The following DAB1 variants were observed in gnomAD, a reference collection of about 807,000 sequenced individuals.
The protein encoded by DAB1 is disabled homolog 1.
Under a neutral mutation model 64.6 loss-of-function variants are expected in DAB1, and 15 were observed. That is an observed-to-expected ratio of 0.23 (90% CI 0.16 to 0.36). The LOEUF (loss-of-function observed/expected upper bound fraction) is 0.36. Among genes scored for constraint, DAB1 ranks in the 10% least tolerant of loss-of-function variants. The pLI is 1.00. For missense variants in DAB1, 596 were observed against 706.7 expected, an observed-to-expected ratio of 0.84 and a Z score of 1.78; for synonymous variants, 235 against 251.9, an observed-to-expected ratio of 0.93 and a Z score of 0.64.
Position 57,560,229 on chromosome 1 carries a change from T to G in DAB1, n.625+89363A>C, listed in dbSNP as rs577090019. Among the ~76,000 whole-genome samples, 3 of 152,368 alleles carry G rather than the reference T, an allele frequency of 2.0e-5. No individual in the cohort carries two copies. In the East Asian group the frequency reaches 5.8e-4, roughly 29 times the overall value. ...GTGGTATATCAGTTCTCCGGCTTTG[T>G]GTCATAATCTTATTCAGAGAGAGCT... On this transcript the variant is annotated intron_variant and non_coding_transcript_variant, in intron 7 of 20. Transcript: ENST00000485760.
chr1:57,087,266 T>C (rs1653180377), intron 4 of DAB1, among the ~76,000 whole-genome samples: 3 of 152,112 alleles, frequency 2.0e-5, no homozygotes, highest in Non-Finnish European at 4.4e-5. Context: ...TGGGCAACTG[T>C]AATAGGGCAT....
At chr1:57,537,940 C>T (rs943841598) in intron 7 of DAB1, among the ~76,000 whole-genome samples, 1 of 151,992 alleles carries the variant, frequency 6.6e-6, no homozygotes, top group Non-Finnish European at 1.5e-5. Flanking sequence ...GGAGAGAAGG[C>T]TAGGGGGGCA....
At chr1:58,363,009 C>A (rs192591583) in intron 3 of DAB1, among the ~76,000 whole-genome samples, 35 of 152,310 alleles carry the variant, frequency 2.3e-4, no homozygotes, top group African/African-American at 7.9e-4. Flanking sequence ...ACTGTCTGCT[C>A]ACATGGCAGA....
chr1:58,229,197 G>T (rs1001467438), intron 4 of DAB1, among the ~76,000 whole-genome samples: 1 of 151,900 alleles, frequency 6.6e-6, no homozygotes, highest in Non-Finnish European at 1.5e-5. Flanking sequence ...TCAAACTTCT[G>T]GTCTCAAGGC....
At chr1:57,972,938 T>C (rs1557588142) in intron 5 of DAB1, among the ~76,000 whole-genome samples, 1 of 152,224 alleles carries the variant, frequency 6.6e-6, no homozygotes, top group Non-Finnish European at 1.5e-5. Context: ...AGCTATATTC[T>C]GTATATTTCT....
intron 7 of DAB1, among the ~76,000 whole-genome samples, chr1:57,567,299 G>A (rs549915709): frequency 4.3e-4 from 65 of 152,266 alleles, no homozygotes; most frequent in Admixed American, 1.6e-3. Flanking sequence ...AGCTATCTAT[G>A]ACAAACCCAT....
At chr1:58,412,628 A>G (rs1043513070) in intron 3 of DAB1, among the ~76,000 whole-genome samples, 4 of 152,254 alleles carry the variant, frequency 2.6e-5, no homozygotes, top group African/African-American at 9.6e-5. Context: ...AGTCTGGTCT[A>G]GCATCTGAAA....
At chr1:57,983,663 G>T (rs1646122561) in intron 5 of DAB1, among the ~76,000 whole-genome samples, 1 of 152,186 alleles carries the variant, frequency 6.6e-6, no homozygotes, top group Non-Finnish European at 1.5e-5. Context: ...CCTGCAGCAG[G>T]ATCTGCCACT....
intron 4 of DAB1, among the ~76,000 whole-genome samples, chr1:58,189,125 T>C (rs1244238022): frequency 6.6e-6 from 1 of 152,220 alleles, no homozygotes; most frequent in Admixed American, 6.5e-5. Flanking sequence ...TTGCATGGAT[T>C]GCTGGCTTGC....
At chr1:57,769,964 T>C (rs1649485108) in intron 6 of DAB1, among the ~76,000 whole-genome samples, 1 of 152,244 alleles carries the variant, frequency 6.6e-6, no homozygotes, top group South Asian at 2.1e-4. Flanking sequence ...CAACATGTGT[T>C]ATAGTCACTG....
intron 2 of DAB1, among the ~76,000 whole-genome samples, chr1:57,224,474 C>G (rs1235342987): frequency 2.0e-5 from 3 of 152,170 alleles, no homozygotes; most frequent in Non-Finnish European, 4.4e-5. Context: ...AGAGGAAGAA[C>G]CATCCTGACT....
rs1183328857 is a variant in DAB1, at chr1:56,994,983, C to A, written c.*3161G>T. ...ACTGCAACAGTCATTTTCTCTTTCTCATCTTTATTAAAAAAATATGTGTCA... is the reference window on the plus strand; with the variant it reads ...ACTGCAACAGTCATTTTCTCTTTCTAATCTTTATTAAAAAAATATGTGTCA... On this transcript the variant is annotated 3_prime_UTR_variant, in exon 15 of 15. Coordinates refer to ENST00000371236, the MANE Select transcript of DAB1 (RefSeq NM_001365792.1). 6.6e-6 allele frequency: 1 copy of A among 152,140 alleles called. No homozygotes were observed. The highest frequency in any genetic ancestry group is 1.5e-5 in the Non-Finnish European group (1 of 68,040). The allele number at this position is 152,140 out of a possible 1,614,324, so 9.4% of individuals were successfully genotyped here. A position where few individuals can be genotyped will look rare whatever the true frequency, so the allele number is the denominator to read the frequency against.
intron 1 of DAB1, among the ~76,000 whole-genome samples, chr1:57,351,883 A>G (rs1048924892): frequency 6.6e-6 from 1 of 152,170 alleles, no homozygotes; most frequent in African/African-American, 2.4e-5. Context: ...TAACTACCCA[A>G]CTACTTAGCA....
At chr1:58,030,308 A>C (rs1367253928) in intron 5 of DAB1, among the ~76,000 whole-genome samples, 1 of 152,230 alleles carries the variant, frequency 6.6e-6, no homozygotes, top group Non-Finnish European at 1.5e-5. Flanking sequence ...AAATATTAAC[A>C]ATGATTGATT....
At chr1:58,375,268 AG>A (rs1421167731) in intron 3 of DAB1, among the ~76,000 whole-genome samples, 1 of 146,490 alleles carries the variant, frequency 6.8e-6, no homozygotes, top group African/African-American at 2.6e-5. Context: ...CAGTTTTTAA[AG>A]GGAATGCTTC....
At position 58,261,733 on chromosome 1, in the gene DAB1, T is replaced by C. The variant is rs371463963; in HGVS notation, n.309+81619A>G. 2.2e-4 allele frequency among the ~76,000 whole-genome samples: 34 copies of C among 151,904 alleles called. No homozygotes were observed. In the East Asian group the frequency reaches 3.1e-3, roughly 14 times the overall value. On this transcript the variant is annotated intron_variant and non_coding_transcript_variant, in intron 4 of 20. Transcript: ENST00000485760. ...TTTTTTGTTTTTGTTTTTGTTTTTG[T>C]TTTAGTAGAAAGAGGGTCTCCCAAT... is the stretch of plus-strand genomic sequence containing the variant.
chr1:57,715,951 C>A (rs957103053), intron 6 of DAB1, among the ~76,000 whole-genome samples: 3 of 152,124 alleles, frequency 2.0e-5, no homozygotes, highest in Non-Finnish European at 2.9e-5. Context: ...TGCCTTGTTG[C>A]CCAGGCTAGA....
At chr1:57,458,653 C>T (rs1483333301) in intron 7 of DAB1, among the ~76,000 whole-genome samples, 1 of 151,972 alleles carries the variant, frequency 6.6e-6, no homozygotes, top group Non-Finnish European at 1.5e-5. Flanking sequence ...TTATAAAAAC[C>T]ATGTTAGGAT....
rs7518291 is a variant in DAB1 at position 58,006,391 on chromosome 1, T to C, written n.388-122229A>G. On this transcript the variant is annotated intron_variant and non_coding_transcript_variant, in intron 5 of 20. Transcript: ENST00000485760. Reference sequence around the variant, plus strand: ...AAATATGCTTGACATCTGCCTCCTATAAAGTCAGGACTCAATAGCTGCAAA... The same window carrying C: ...AAATATGCTTGACATCTGCCTCCTACAAAGTCAGGACTCAATAGCTGCAAA... 3.9e-3 allele frequency among the ~76,000 whole-genome samples: 593 copies of C among 152,300 alleles called. 7 individuals carry two copies. The highest frequency in any genetic ancestry group is 0.013 in the African/African-American group (561 of 41,574).
Sources: gnomAD v4.1 joint callset for allele counts (sites outside exome capture counted in the v4.1 genomes callset) on GRCh38, gnomAD v4.1.1 for gene constraint, MANE v1.5 for transcripts, NCBI Gene and HGNC (gene_info 2026-07-23, HGNC 2026-07-21) for gene names.